Variants in ZNF469 observed in about 807,000 individuals in gnomAD.
ZNF469 encodes zinc finger protein 469.
ZNF469 carries 1 observed loss-of-function variant against 1.0 expected under a neutral mutation model. That is an observed-to-expected ratio of 1.00 (90% CI 0.35 to 4.73). The LOEUF is 4.73. Among genes scored for constraint, ZNF469 ranks in the 30% most tolerant of loss-of-function variants. ZNF469 has a pLI of 0.16. For synonymous variants in ZNF469, 2,703 were observed against 2,363.4 expected (o/e 1.14, Z -4.17); for missense variants, 6,100 against 5,356.3 (o/e 1.14, Z -4.33).
chr16:88,243,949 T>TATATAAATAA, the ZNF469 span, among the ~76,000 whole-genome samples: 1 of 94,262 alleles, frequency 1.1e-5, no homozygotes, highest in East Asian at 3.5e-4. Context: ...TATATATATA[T>TATATAAATAA]ATAAATGTAT....
Position 88,429,878 on chromosome 16 carries a change from C to T in ZNF469, c.2408C>T (p.Ala803Val). Residue 803 changes from alanine to valine, a missense_variant, in exon 3 of 3, where the codon GCC becomes GTC. Transcript: ENST00000565624. ...AAGACCTTCCTGTTAGCTGGGGACG[C>T]CCAGGCCGAGGGCAAAGACGACCCC... ...HAKTFLLAGDAQAEGKDDPLR... is the reference protein window; with the variant it reads ...HAKTFLLAGDVQAEGKDDPLR... 1 of 1,550,192 alleles carries T rather than the reference C, an allele frequency of 6.5e-7. No individual in the cohort carries two copies. Among genetic ancestry groups the T allele is most frequent in the Non-Finnish European group, 8.7e-7 (1 of 1,146,904 alleles).
chr16:88,325,071 C>T, the ZNF469 span, among the ~76,000 whole-genome samples: 1 of 152,000 alleles, frequency 6.6e-6, no homozygotes, highest in African/African-American at 2.4e-5. Context: ...CTTCCAGCAG[C>T]TTCTGGTTGA....
chr16:88,347,773 C>T, the ZNF469 span, among the ~76,000 whole-genome samples: 1 of 152,218 alleles, frequency 6.6e-6, no homozygotes, highest in Non-Finnish European at 1.5e-5. Flanking sequence ...ACCCCAAAGG[C>T]GTCTCAAGTC....
the ZNF469 span, among the ~76,000 whole-genome samples, chr16:88,355,877 G>A: frequency 2.6e-5 from 4 of 152,292 alleles, no homozygotes; most frequent in South Asian, 4.1e-4. Context: ...GTGCAGACAT[G>A]CCCTCGGCGG....
At chr16:88,251,855 G>A in the ZNF469 span, among the ~76,000 whole-genome samples, 3 of 151,586 alleles carry the variant, frequency 2.0e-5, no homozygotes, top group South Asian at 2.1e-4. Flanking sequence ...CACCGCGCCG[G>A]GCCCCTGCTC....
At position 88,437,090 on chromosome 16, in the gene ZNF469, C is replaced by A; in HGVS notation, c.9620C>A (p.Ala3207Glu). 1 of 1,545,008 alleles carries A rather than the reference C, an allele frequency of 6.5e-7. No homozygotes were observed. Among genetic ancestry groups the A allele is most frequent in the African/African-American group, 1.4e-5 (1 of 73,102 alleles). ...GTCCGCTTCGCCCGCAGGGGGCAGG[C>A]GCGGAGGTCCTTGGGGGACCTGCCC... ...HAVRFARRGQARRSLGDLPGG... is the reference protein window; with the variant it reads ...HAVRFARRGQERRSLGDLPGG... The change falls in exon 3 of 3, where the codon GCG becomes GAG. Residue 3207 changes from alanine (A) to glutamate (E), a missense_variant. Ala to Glu is a moderately radical substitution (Grantham distance 107). Transcript: ENST00000565624.
the ZNF469 span, among the ~76,000 whole-genome samples, chr16:88,253,510 G>A: frequency 6.6e-6 from 1 of 151,022 alleles, no homozygotes; most frequent in Non-Finnish European, 1.5e-5. Flanking sequence ...ATAAGGTTGT[G>A]TTCAAATCTT....
chr16:88,363,553 C>G, the ZNF469 span, among the ~76,000 whole-genome samples: 1 of 152,182 alleles, frequency 6.6e-6, no homozygotes, highest in Non-Finnish European at 1.5e-5. Flanking sequence ...AGTTTAAATA[C>G]AAGATTTTTC....
the ZNF469 span, among the ~76,000 whole-genome samples, chr16:88,262,651 C>G: frequency 6.6e-6 from 1 of 152,062 alleles, no homozygotes; most frequent in African/African-American, 2.4e-5. This position sits in a 1 kb window ranked among gnomAD's most constrained non-coding sequence, Gnocchi z 4.3. Context: ...GGGGTCCCCT[C>G]CTGGGGTCCT....
At chr16:88,219,032 A>G in the ZNF469 span, among the ~76,000 whole-genome samples, 1 of 148,582 alleles carries the variant, frequency 6.7e-6, no homozygotes, top group African/African-American at 2.6e-5. Context: ...CTTCAAAGAG[A>G]ATAAAATACC....
the ZNF469 span, among the ~76,000 whole-genome samples, chr16:88,317,365 A>C: frequency 2.0e-5 from 3 of 152,140 alleles, no homozygotes; most frequent in African/African-American, 7.2e-5. Context: ...CTGCGGGTGA[A>C]ACGTGGTCCT....
chr16:88,122,510 A>T, the ZNF469 span, among the ~76,000 whole-genome samples: 4 of 145,928 alleles, frequency 2.7e-5, no homozygotes, highest in Admixed American at 6.8e-5. Context: ...GCGGCCACTC[A>T]GATCACACTC....
At chr16:88,135,847 G>A in the ZNF469 span, among the ~76,000 whole-genome samples, 16 of 140,398 alleles carry the variant, frequency 1.1e-4, no homozygotes, top group African/African-American at 4.2e-4. Context: ...TGCAACCTCC[G>A]TCTCCCGGGT....
chr16:88,106,229 A>G, the ZNF469 span, among the ~76,000 whole-genome samples: 1 of 152,154 alleles, frequency 6.6e-6, no homozygotes, highest in African/African-American at 2.4e-5. Flanking sequence ...GAGTCAGCGC[A>G]CTGCAGAACT....
chr16:88,328,656 A>C, the ZNF469 span, among the ~76,000 whole-genome samples: 5 of 152,232 alleles, frequency 3.3e-5, no homozygotes, highest in African/African-American at 4.8e-5. Context: ...AGACAAGGAA[A>C]ACCAGAAGAA....
At chr16:88,395,292 T>G (rs1599347169) in intron 1 of ZNF469, among the ~76,000 whole-genome samples, 2 of 82,178 alleles carry the variant, frequency 2.4e-5, no homozygotes, top group African/African-American at 5.1e-5. Flanking sequence ...GATGGGTGGA[T>G]GGATTGATGG....
chr16:88,325,319 A>G, the ZNF469 span, among the ~76,000 whole-genome samples: 1 of 152,128 alleles, frequency 6.6e-6, no homozygotes. Context: ...AGGGGCTCAG[A>G]CCCAGGACAC....
chr16:88,341,784 T>C, the ZNF469 span, among the ~76,000 whole-genome samples: 1 of 151,768 alleles, frequency 6.6e-6, no homozygotes, highest in Admixed American at 6.6e-5. Flanking sequence ...GGAGGATGGC[T>C]GGGGGCTGCC....
At chr16:88,387,155 G>A (rs953394570) in intron 1 of ZNF469, among the ~76,000 whole-genome samples, 22 of 152,164 alleles carry the variant, frequency 1.4e-4, no homozygotes, top group African/African-American at 5.3e-4. Context: ...GGCAGCCCTG[G>A]GTCAGGTGCG....
Sources: gnomAD v4.1 joint callset for allele counts (sites outside exome capture counted in the v4.1 genomes callset) on GRCh38, gnomAD v4.1.1 for gene constraint, Gnocchi (gnomAD v3.1) non-coding constraint, MANE v1.5 for transcripts, NCBI Gene and HGNC (gene_info 2026-07-23, HGNC 2026-07-21) for gene names.